The following CALCR variants were observed in gnomAD, a reference collection of about 807,000 sequenced individuals.
CALCR encodes the protein calcitonin receptor.
CALCR carries 47 observed loss-of-function variants against 59.5 expected under a neutral mutation model. That is an observed-to-expected ratio of 0.79 (90% CI 0.63 to 1.01). CALCR has a LOEUF of 1.01. CALCR is among the 50% of genes least tolerant of loss of function. The pLI is 0.00. For synonymous variants in CALCR, 213 were observed against 211.3 expected, an observed-to-expected ratio of 1.01 and a Z score of -0.07; for missense variants, 566 against 597.1, an observed-to-expected ratio of 0.95 and a Z score of 0.54.
At chr7:93,496,179 C>A (rs1031880032) in intron 2 of CALCR, among the ~76,000 whole-genome samples, 2 of 151,396 alleles carry the variant, frequency 1.3e-5, no homozygotes, top group Admixed American at 1.3e-4. Context: ...AGAAGAGCAG[C>A]AATCCCATGA....
intron 8 of CALCR, among the ~76,000 whole-genome samples, chr7:93,448,769 C>A (rs1370109568): frequency 1.3e-5 from 2 of 151,996 alleles, no homozygotes; most frequent in African/African-American, 4.8e-5. Flanking sequence ...TTAGCAGATT[C>A]TGCCAAAGTC....
At position 93,460,954 on chromosome 7, in the gene CALCR, G is replaced by C. The variant is rs1800323920; in HGVS notation, c.522-7C>G. The C allele has an allele frequency of 1.9e-6, 3 of 1,604,004 alleles. No individual in the cohort carries two copies. The highest frequency in any genetic ancestry group is 2.6e-6 in the Non-Finnish European group (3 of 1,176,268). ...CCTTTGGCAGCCAAGGCTCCTGGAAGAAAAAGTAACATAAAGCATTAACCA... is the reference window on the plus strand; with the variant it reads ...CCTTTGGCAGCCAAGGCTCCTGGAACAAAAAGTAACATAAAGCATTAACCA... On this transcript the variant is annotated splice_polypyrimidine_tract_variant and splice_region_variant and intron_variant, in intron 7 of 13. Coordinates refer to ENST00000426151, the MANE Select transcript of CALCR (RefSeq NM_001742.4).
chr7:93,514,472 T>C (rs1367670329), intron 2 of CALCR, among the ~76,000 whole-genome samples: 1 of 151,932 alleles, frequency 6.6e-6, no homozygotes, highest in Non-Finnish European at 1.5e-5. Context: ...ATGAATATCA[T>C]ATAAAGTTAT....
intron 2 of CALCR, among the ~76,000 whole-genome samples, chr7:93,572,650 CAACTA>C (rs1001011379): frequency 1.4e-4 from 21 of 152,272 alleles, no homozygotes; most frequent in African/African-American, 5.1e-4. Context: ...TGCCATGGCA[CAACTA>C]AACTAATAGT....
intron 2 of CALCR, among the ~76,000 whole-genome samples, chr7:93,563,377 A>AT (rs1428807775): frequency 6.6e-6 from 1 of 152,204 alleles, no homozygotes; most frequent in African/African-American, 2.4e-5. Flanking sequence ...CATGTAAGTA[A>AT]TCAATGTATG....
intron 7 of CALCR, among the ~76,000 whole-genome samples, chr7:93,461,564 G>C (rs1043231215): frequency 5.3e-5 from 8 of 152,114 alleles, no homozygotes; most frequent in Non-Finnish European, 1.2e-4. Flanking sequence ...CACAGGCAGA[G>C]AATTCTTAAT....
Position 93,438,022 on chromosome 7 carries a change from TA to T in CALCR, c.930+37del, listed in dbSNP as rs10713823. ...ATACACAGAAATCTCAACTAAGAGA[TA>T]ATACTACTAATATTGCAATAAAAAA... On this transcript the variant is annotated intron_variant, in intron 11 of 13. Transcript: ENST00000426151. 0.64 allele frequency: 949,699 copies of T among 1,491,624 alleles called. 306,738 individuals carry two copies. Among genetic ancestry groups the T allele is most frequent in the East Asian group, 0.89 (38,810 of 43,436 alleles). 92.4% of individuals were successfully genotyped at this position (1,491,624 alleles called of 1,614,324 possible).
Position 93,426,135 on chromosome 7 carries a change from T to C in CALCR, c.*221A>G. 2.0e-6 allele frequency: 1 copy of C among 502,760 alleles called. No homozygotes were observed. Among genetic ancestry groups the C allele is most frequent in the East Asian group, 3.3e-5 (1 of 30,510 alleles). 31.1% of individuals were successfully genotyped at this position (502,760 alleles called of 1,614,324 possible). On this transcript the variant is annotated 3_prime_UTR_variant, in exon 14 of 14. Coordinates refer to ENST00000426151, the MANE Select transcript of CALCR (RefSeq NM_001742.4). ...TTGCATCTCAGTCCTGGATGAATGA[T>C]GGAGTTCACAAGTTGCAGTGGGAGA...
At chr7:93,453,877 T>A (rs1434000576) in intron 8 of CALCR, among the ~76,000 whole-genome samples, 2 of 152,058 alleles carry the variant, frequency 1.3e-5, no homozygotes, top group Non-Finnish European at 2.9e-5. Flanking sequence ...CTGCACCATG[T>A]GACCTTGGTT....
chr7:93,539,732 G>A (rs1789081964), intron 2 of CALCR, among the ~76,000 whole-genome samples: 1 of 152,128 alleles, frequency 6.6e-6, no homozygotes, highest in Non-Finnish European at 1.5e-5. Flanking sequence ...GAAAGGCAGA[G>A]CATTCTATGG....
At chr7:93,554,589 A>C (rs192887920) in intron 2 of CALCR, among the ~76,000 whole-genome samples, 1 of 151,996 alleles carries the variant, frequency 6.6e-6, no homozygotes. Flanking sequence ...AGAAAGGACT[A>C]TAGCAATACA....
chr7:93,564,736 G>A (rs944904790), intron 2 of CALCR, among the ~76,000 whole-genome samples: 1 of 150,714 alleles, frequency 6.6e-6, no homozygotes, highest in South Asian at 2.1e-4. Context: ...TTACAGGAGT[G>A]GGCCACCACA....
chr7:93,475,123 A>G (rs1337146777), intron 5 of CALCR, among the ~76,000 whole-genome samples: 1 of 151,736 alleles, frequency 6.6e-6, no homozygotes, highest in African/African-American at 2.4e-5. Flanking sequence ...ATCATTTTTT[A>G]TTGTATGACC....
intron 2 of CALCR, among the ~76,000 whole-genome samples, chr7:93,523,299 C>T (rs192956381): frequency 1.3e-5 from 2 of 152,278 alleles, no homozygotes; most frequent in East Asian, 1.9e-4. Context: ...GTACCCCTCA[C>T]GGTCTCCTCC....
intron 13 of CALCR, among the ~76,000 whole-genome samples, chr7:93,428,553 C>T (rs944753056): frequency 6.6e-6 from 1 of 152,144 alleles, no homozygotes; most frequent in Non-Finnish European, 1.5e-5. Context: ...GTAATCCCAG[C>T]ACTTTGGGAG....
intron 3 of CALCR, among the ~76,000 whole-genome samples, chr7:93,481,088 A>G (rs1329327059): frequency 6.6e-6 from 1 of 151,884 alleles, no homozygotes; most frequent in East Asian, 1.9e-4. Flanking sequence ...AAATAAGAAG[A>G]GCGGTAAGAA....
chr7:93,539,636 ATATT>A (rs1789079426), intron 2 of CALCR, among the ~76,000 whole-genome samples: 1 of 151,718 alleles, frequency 6.6e-6, no homozygotes, highest in Non-Finnish European at 1.5e-5. Flanking sequence ...CCCAGCTCTG[ATATT>A]TATTGTGTGT....
chr7:93,452,168 G>T (rs117358528), intron 8 of CALCR, among the ~76,000 whole-genome samples: 87 of 151,906 alleles, frequency 5.7e-4, no homozygotes, highest in Non-Finnish European at 1.0e-3. Context: ...ATCTCTAACC[G>T]AAGCCCAGGT....
intron 13 of CALCR, among the ~76,000 whole-genome samples, chr7:93,433,815 G>A (rs1031165425): frequency 6.6e-6 from 1 of 152,104 alleles, no homozygotes; most frequent in Non-Finnish European, 1.5e-5. Context: ...TTCACTTCAG[G>A]GTGATTTTCA....
Sources: gnomAD v4.1 joint callset for allele counts (sites outside exome capture counted in the v4.1 genomes callset) on GRCh38, gnomAD v4.1.1 for gene constraint, MANE v1.5 for transcripts, NCBI Gene and HGNC (gene_info 2026-07-23, HGNC 2026-07-21) for gene names.